The following MS4A6E variants were observed in gnomAD, a reference collection of about 807,000 sequenced individuals.
The protein encoded by MS4A6E is membrane-spanning 4-domains subfamily A member 6E.
A neutral mutation model predicts 13.2 loss-of-function variants in MS4A6E; 8 were observed. The observed-to-expected ratio is 0.60, with a 90% CI of 0.35 to 1.09. The LOEUF is 1.09. Ranked by LOEUF, MS4A6E falls within the 50% of genes least tolerant of loss-of-function variation. The pLI, the probability that MS4A6E is intolerant of heterozygous loss-of-function variation, is 0.02. For missense variants in MS4A6E, 177 were observed against 171.1 expected (o/e 1.03, Z -0.19); for synonymous variants, 72 against 67.6 (o/e 1.06, Z -0.32).
intron 2 of MS4A6E, among the ~76,000 whole-genome samples, chr11:60,336,016 A>G (rs906389660): frequency 3.9e-5 from 6 of 152,114 alleles, no homozygotes; most frequent in African/African-American, 1.4e-4. Context: ...CAGAAACTCA[A>G]TTTGGAAGCT....
intron 1 of MS4A6E, among the ~76,000 whole-genome samples, chr11:60,332,493 T>C (rs1458565793): frequency 6.6e-6 from 1 of 152,246 alleles, no homozygotes; most frequent in Non-Finnish European, 1.5e-5. Flanking sequence ...AGGTCCCATC[T>C]GCATCTCAGC....
chr11:60,342,355 GC>G (rs1167939557), downstream of MS4A6E, among the ~76,000 whole-genome samples: 1 of 152,124 alleles, frequency 6.6e-6, no homozygotes, highest in Non-Finnish European at 1.5e-5. Context: ...ATTGTCTCAT[GC>G]CAAGAAAATT....
intron 4 of MS4A6E, among the ~76,000 whole-genome samples, chr11:60,348,348 T>G (rs922053301): frequency 7.9e-5 from 12 of 152,146 alleles, no homozygotes; most frequent in Admixed American, 3.3e-4. Context: ...GCTTGCCAGA[T>G]GAAGGGTAGA....
chr11:60,329,853 T>A (rs1474625909), intron 1 of MS4A6E, among the ~76,000 whole-genome samples: 1 of 147,070 alleles, frequency 6.8e-6, no homozygotes, highest in African/African-American at 2.5e-5. Flanking sequence ...TGAGATAGAA[T>A]ATCGTTCAGT....
At chr11:60,332,145 T>C (rs535360930) in intron 1 of MS4A6E, among the ~76,000 whole-genome samples, 2 of 152,374 alleles carry the variant, frequency 1.3e-5, no homozygotes, top group Admixed American at 6.5e-5. Flanking sequence ...AGTAGTCTTA[T>C]GCTTTTAAGA....
At chr11:60,331,672 G>T (rs573638624) in intron 1 of MS4A6E, among the ~76,000 whole-genome samples, 105 of 152,252 alleles carry the variant, frequency 6.9e-4, no homozygotes, top group African/African-American at 2.1e-3. Context: ...AATTTTGGTG[G>T]TGGTTACTTT....
intron 2 of MS4A6E, among the ~76,000 whole-genome samples, chr11:60,337,068 G>A (rs1269942909): frequency 6.6e-6 from 1 of 151,990 alleles, no homozygotes; most frequent in Non-Finnish European, 1.5e-5. Context: ...CACCATCCTT[G>A]GGCCCGCACC....
downstream of MS4A6E, among the ~76,000 whole-genome samples, chr11:60,345,324 A>C (rs1425016472): frequency 2.6e-5 from 4 of 152,212 alleles, no homozygotes; most frequent in Non-Finnish European, 5.9e-5. Flanking sequence ...AAGAAAGTAT[A>C]CTTGGAGTGT....
At chr11:60,327,797 A>G (rs998463637) in intron 1 of MS4A6E, among the ~76,000 whole-genome samples, 1 of 152,088 alleles carries the variant, frequency 6.6e-6, no homozygotes, top group African/African-American at 2.4e-5. Context: ...TGGGAGGCCG[A>G]GGTGGGCAGA....
downstream of MS4A6E, among the ~76,000 whole-genome samples, chr11:60,342,173 G>A (rs965618539): frequency 9.1e-5 from 3 of 32,824 alleles, no homozygotes; most frequent in African/African-American, 1.9e-4. Context: ...GTGTGTGTGT[G>A]TGTGTGAGAG....
intron 1 of MS4A6E, among the ~76,000 whole-genome samples, chr11:60,328,859 T>TGTACAG (rs2085136083): frequency 1.3e-5 from 2 of 152,136 alleles, no homozygotes; most frequent in South Asian, 4.1e-4. Context: ...AGAGTTCTAA[T>TGTACAG]GTACAGTACA....
Position 60,346,847 on chromosome 11 carries a change from G to C in MS4A6E, c.*162+5919G>C, listed in dbSNP as rs1271816279. On this transcript the variant is annotated intron_variant and NMD_transcript_variant, in intron 4 of 4. Coordinates refer to the MS4A6E transcript ENST00000532756. ...TCTCCAAATTTCTCTGCTAGCTGCA[G>C]AGCTGCCTGCTTTTCAGCTGCGGTG... Among the ~76,000 whole-genome samples, 10 of 152,314 alleles carry C rather than the reference G, an allele frequency of 6.6e-5. No individual in the cohort carries two copies. In the East Asian group the frequency reaches 1.9e-3, roughly 29 times the overall value.
intron 2 of MS4A6E, among the ~76,000 whole-genome samples, chr11:60,336,352 G>A (rs1433683050): frequency 6.6e-6 from 1 of 152,132 alleles, no homozygotes; most frequent in African/African-American, 2.4e-5. Context: ...TGTGGCTACT[G>A]GCAACCATAC....
chr11:60,337,587 G>C lies in MS4A6E; in HGVS notation c.148-154G>C, dbSNP rs189613586. Among the ~76,000 whole-genome samples the C allele has an allele frequency of 5.9e-5, 9 of 152,246 alleles. No homozygotes were observed. The East Asian group carries it at 1.7e-3, about 29-fold the overall frequency. The stretch of plus-strand genomic sequence containing the variant: ...TTACGTTGCAGATTCTGAGTTTTTG[G>C]CTGGACACTGGAGAGGCCTACAACA... On this transcript the variant is annotated intron_variant, in intron 2 of 4. Transcript: ENST00000684409.
In MS4A6E at chr11:60,337,941, T is replaced by C; in HGVS notation, c.348T>C (p.Ser116=). Reference sequence around the variant, plus strand: ...TGGACTGCCATAGAGCCAAAGCCAGTCTGGCTGTAAGTATTTTTTAGATGG... The same window carrying C: ...TGGACTGCCATAGAGCCAAAGCCAGCCTGGCTGTAAGTATTTTTTAGATGG... ...YTMDCHRAKA[S]LAGTLSLMLV... The change falls in exon 3 of 5, where the codon AGT becomes AGC. Residue 116 remains serine (S), a synonymous_variant. Coordinates refer to ENST00000684409, the MANE Select transcript of MS4A6E (RefSeq NM_139249.4). 1 of 1,613,954 alleles carries C rather than the reference T, an allele frequency of 6.2e-7. No individual in the cohort carries two copies. Among genetic ancestry groups the C allele is most frequent in the Non-Finnish European group, 8.5e-7 (1 of 1,179,850 alleles).
chr11:60,337,096 C>T lies in MS4A6E; in HGVS notation c.148-645C>T, dbSNP rs181726439. On this transcript the variant is annotated intron_variant, in intron 2 of 4. Transcript: ENST00000684409. ...CCCGCACCTAGACCTCTGCCCACAG[C>T]CACCCCATGCTGCGCTCAATGTGGC... Among the ~76,000 whole-genome samples the T allele has an allele frequency of 3.5e-4, 53 of 152,278 alleles. No homozygotes were observed. The East Asian group carries it at 3.7e-3, about 11-fold the overall frequency.
chr11:60,336,911 T>C (rs1208017180), intron 2 of MS4A6E, among the ~76,000 whole-genome samples: 3 of 152,104 alleles, frequency 2.0e-5, no homozygotes, highest in Non-Finnish European at 2.9e-5. Context: ...ACTTCATAAA[T>C]GTAGAAATGA....
At chr11:60,344,932 G>GTTTTTTGTTTTTTGTTTTTTT (rs2085249279), downstream of MS4A6E, among the ~76,000 whole-genome samples, 9 of 151,500 alleles carry the variant, frequency 5.9e-5, no homozygotes, top group East Asian at 3.9e-4. Flanking sequence ...TTGTTTTTTT[G>GTTTTTTGTTTTTTGTTTTTTT]TTTTTTGTTT....
At chr11:60,348,796 G>A (rs1363752358) in intron 4 of MS4A6E, among the ~76,000 whole-genome samples, 1 of 152,264 alleles carries the variant, frequency 6.6e-6, no homozygotes, top group African/African-American at 2.4e-5. Context: ...CAGGAAGCCT[G>A]TCATCTGAGA....
Sources: gnomAD v4.1 joint callset for allele counts (sites outside exome capture counted in the v4.1 genomes callset) on GRCh38, gnomAD v4.1.1 for gene constraint, MANE v1.5 for transcripts, NCBI Gene and HGNC (gene_info 2026-07-23, HGNC 2026-07-21) for gene names.